NRXN3: variants seen among roughly 807,000 people sequenced by gnomAD.
NRXN3 encodes neurexin III.
A neutral mutation model predicts 137.6 loss-of-function variants in NRXN3; 32 were observed. That is an observed-to-expected ratio of 0.23 (90% CI 0.18 to 0.31). NRXN3 has a LOEUF of 0.31. Ranked by LOEUF, NRXN3 falls within the 10% of genes least tolerant of loss-of-function variation. The pLI, the probability that NRXN3 is intolerant of heterozygous loss-of-function variation, is 1.00. For missense variants in NRXN3, 1,574 were observed against 2,062.5 expected, an observed-to-expected ratio of 0.76 and a Z score of 4.59; for synonymous variants, 798 against 784.5, an observed-to-expected ratio of 1.02 and a Z score of -0.29.
At chr14:78,284,730 T>C (rs563041848) in intron 3 of NRXN3, among the ~76,000 whole-genome samples, 1 of 152,136 alleles carries the variant, frequency 6.6e-6, no homozygotes. Flanking sequence ...CACCTGCTGT[T>C]CTCTCCTGTC....
intron 19 of NRXN3, among the ~76,000 whole-genome samples, chr14:79,711,063 A>G (rs1011045298): frequency 7.9e-5 from 12 of 152,244 alleles, no homozygotes; most frequent in Non-Finnish European, 1.6e-4. Context: ...TCTATTCAAA[A>G]AAGACCAAAT....
chr14:79,125,687 T>A (rs1267873769), intron 15 of NRXN3, among the ~76,000 whole-genome samples: 2 of 152,160 alleles, frequency 1.3e-5, no homozygotes, highest in Non-Finnish European at 2.9e-5. Context: ...TCTATATACT[T>A]TACTCTTAGC....
intron 16 of NRXN3, among the ~76,000 whole-genome samples, chr14:79,500,066 T>C (rs962426365): frequency 6.6e-6 from 1 of 151,938 alleles, no homozygotes; most frequent in Admixed American, 6.6e-5. Context: ...GTTATAAATC[T>C]AGACTTATGT....
chr14:79,799,665 GC>G (rs1294786375), intron 19 of NRXN3, among the ~76,000 whole-genome samples: 9 of 152,050 alleles, frequency 5.9e-5, no homozygotes, highest in Non-Finnish European at 1.0e-4. Context: ...CACCTGAAAT[GC>G]CCTTCTCCTT....
intron 4 of NRXN3, among the ~76,000 whole-genome samples, chr14:78,484,086 T>C (rs998817317): frequency 2.6e-5 from 4 of 151,814 alleles, no homozygotes; most frequent in African/African-American, 9.7e-5. Context: ...TACATTTCTG[T>C]TCTGGATTCA....
intron 8 of NRXN3, among the ~76,000 whole-genome samples, chr14:78,787,924 T>G (rs2098793913): frequency 6.6e-6 from 1 of 152,068 alleles, no homozygotes; most frequent in South Asian, 2.1e-4. Flanking sequence ...CGCCCTTATT[T>G]CTCTATTTAA....
intron 19 of NRXN3, among the ~76,000 whole-genome samples, chr14:79,703,437 G>A (rs79393864): frequency 6.6e-6 from 1 of 152,204 alleles, no homozygotes; most frequent in South Asian, 2.1e-4. Flanking sequence ...CAGAGTTTCT[G>A]AGTTGGACTC....
intron 15 of NRXN3, among the ~76,000 whole-genome samples, chr14:79,044,264 A>G (rs1252981960): frequency 6.6e-6 from 1 of 151,510 alleles, no homozygotes; most frequent in Non-Finnish European, 1.5e-5. Flanking sequence ...CAAATGTAAA[A>G]TAGAAAGTTG....
intron 8 of NRXN3, among the ~76,000 whole-genome samples, chr14:78,745,715 C>A (rs2098604047): frequency 6.6e-6 from 1 of 152,110 alleles, no homozygotes; most frequent in Non-Finnish European, 1.5e-5. Context: ...TTATCTCATT[C>A]AGAGTGAGAG....
chr14:78,528,386 C>G (rs2096411252), intron 4 of NRXN3, among the ~76,000 whole-genome samples: 1 of 152,142 alleles, frequency 6.6e-6, no homozygotes, highest in East Asian at 1.9e-4. Context: ...TCTCCACACT[C>G]CTGATTAAAT....
intron 4 of NRXN3, among the ~76,000 whole-genome samples, chr14:78,533,065 T>G (rs1366488839): frequency 6.7e-6 from 1 of 150,268 alleles, no homozygotes; most frequent in Non-Finnish European, 1.5e-5. Flanking sequence ...TACATCAGTC[T>G]CCCAACTGAT....
At chr14:79,673,102 A>C (rs1378412354) in intron 17 of NRXN3, among the ~76,000 whole-genome samples, 2 of 152,062 alleles carry the variant, frequency 1.3e-5, no homozygotes, top group African/African-American at 4.8e-5. Context: ...CACTCCTCTA[A>C]AATCCCTGTC....
chr14:79,242,773 A>G (rs2074510878), intron 15 of NRXN3, among the ~76,000 whole-genome samples: 1 of 152,162 alleles, frequency 6.6e-6, no homozygotes, highest in Admixed American at 6.5e-5. Context: ...TGCACAACCC[A>G]AGGATCCTGT....
rs71131653 is a variant in NRXN3 at position 78,506,643 on chromosome 14, GTTTTTTTTTTTTTTTTTTTT to G, written c.758-138466_758-138447del. ...AGGTAATATCTCATATCTCATTGTA[GTTTTTTTTTTTTTTTTTTTT>G]TTTTTTTTTTAGGAGATGGGGGTCT... On this transcript the variant is annotated intron_variant, in intron 4 of 20. Transcript: ENST00000335750. Among the ~76,000 whole-genome samples, 59 of 105,408 alleles carry G rather than the reference GTTTTTTTTTTTTTTTTTTTT, an allele frequency of 5.6e-4. No individual in the cohort carries two copies. The Middle Eastern group carries it at 0.039, about 71-fold the overall frequency. 69.2% of individuals were successfully genotyped at this position (105,408 alleles called of 152,430 possible).
chr14:79,136,257 G>C (rs1555785793), intron 15 of NRXN3, among the ~76,000 whole-genome samples: 1 of 152,256 alleles, frequency 6.6e-6, no homozygotes, highest in South Asian at 2.1e-4. Context: ...ATTCGTTCAT[G>C]TTCTTTGAAA....
chr14:78,948,119 T>G (rs1472016221), intron 10 of NRXN3, among the ~76,000 whole-genome samples: 1 of 152,170 alleles, frequency 6.6e-6, no homozygotes, highest in Non-Finnish European at 1.5e-5. Flanking sequence ...GAGATAGTTT[T>G]TCTGGAGTGG....
intron 1 of NRXN3, among the ~76,000 whole-genome samples, chr14:78,199,070 A>T (rs559030809): frequency 1.3e-5 from 2 of 152,330 alleles, no homozygotes; most frequent in East Asian, 3.9e-4. Context: ...GCAGAGGCAC[A>T]TTGTCAGAGC....
intron 4 of NRXN3, among the ~76,000 whole-genome samples, chr14:78,363,124 G>A (rs574864673): frequency 7.5e-4 from 114 of 152,178 alleles, no homozygotes; most frequent in Admixed American, 1.4e-3. Flanking sequence ...CAGGCTGCCA[G>A]CTGCCTACCT....
chr14:79,123,146 C>T (rs2055746624), intron 15 of NRXN3, among the ~76,000 whole-genome samples: 1 of 152,060 alleles, frequency 6.6e-6, no homozygotes. Flanking sequence ...TGGAAAAAGC[C>T]CAAGCCTCTG....
Sources: gnomAD v4.1 joint callset for allele counts (sites outside exome capture counted in the v4.1 genomes callset) on GRCh38, gnomAD v4.1.1 for gene constraint, MANE v1.5 for transcripts, NCBI Gene and HGNC (gene_info 2026-07-23, HGNC 2026-07-21) for gene names.